The following CFAP46 variants were observed in gnomAD, a reference collection of about 807,000 sequenced individuals.
CFAP46 encodes the protein cilia and flagella associated protein 46.
CFAP46 carries 245 observed loss-of-function variants against 325.7 expected under a neutral mutation model. That is an observed-to-expected ratio of 0.75 (90% CI 0.68 to 0.84). CFAP46 has a LOEUF of 0.84. Among genes scored for constraint, CFAP46 ranks in the 40% least tolerant of loss-of-function variants. The pLI is 0.00. For missense variants in CFAP46, 3,346 were observed against 3,543.0 expected (o/e 0.94, Z 1.41); for synonymous variants, 1,523 against 1,495.9 (o/e 1.02, Z -0.42).
At chr10:132,925,015 A>G (rs1466335021) in intron 10 of CFAP46, 129 bp from the exon 11 acceptor site, 2 of 695,198 alleles carry the variant, frequency 2.9e-6, no homozygotes, top group Admixed American at 8.2e-5. Flanking sequence ...CGTCATGCTC[A>G]AATCTGTCCG....
intron 12 of CFAP46, 64 bp from the exon 13 acceptor site, chr10:132,922,288 T>G (rs1044949673): frequency 1.3e-6 from 2 of 1,514,412 alleles, no homozygotes; most frequent in South Asian, 1.3e-5. Flanking sequence ...TTCTCCAACT[T>G]CTGGAGCCTC....
chr10:132,900,368 G>A (rs1309812520), intron 22 of CFAP46, among the ~76,000 whole-genome samples: 18 of 152,268 alleles, frequency 1.2e-4, no homozygotes, highest in Non-Finnish European at 1.2e-4. Context: ...CAGGGCTGCC[G>A]TGGCTGGGGC....
chr10:132,822,606 T>C (rs1201784119), intron 50 of CFAP46, among the ~76,000 whole-genome samples: 4 of 137,884 alleles, frequency 2.9e-5, no homozygotes, highest in African/African-American at 8.5e-5. Context: ...TGCTGATGTG[T>C]GCTGTGTGTT....
At chr10:132,904,832 G>T (rs551507947) in intron 22 of CFAP46, among the ~76,000 whole-genome samples, 2 of 152,218 alleles carry the variant, frequency 1.3e-5, no homozygotes, top group African/African-American at 2.4e-5. Flanking sequence ...TACAATCACG[G>T]CTTGCTGCAG....
intron 39 of CFAP46, among the ~76,000 whole-genome samples, chr10:132,856,165 C>T (rs1369298093): frequency 9.2e-5 from 14 of 152,240 alleles, no homozygotes; most frequent in Non-Finnish European, 1.9e-4. Context: ...GGGCTCTCAG[C>T]TACACTGCTT....
In CFAP46 at chr10:132,861,492, T is replaced by G. The variant is rs542384477; in HGVS notation, c.4891-510A>C. On this transcript the variant is annotated intron_variant, in intron 35 of 57. Transcript: ENST00000368586. ...GGCCCTGTCTTTTAGGGGCTCCCGC[T>G]TGGGGCGAAAGGCTTCGGGACAGCC... Among the ~76,000 whole-genome samples, 175 of 152,278 alleles carry G rather than the reference T, an allele frequency of 1.1e-3. 1 individual carries two copies. The highest frequency in any genetic ancestry group is 4.0e-3 in the African/African-American group (166 of 41,572).
intron 22 of CFAP46, among the ~76,000 whole-genome samples, chr10:132,900,050 A>T (rs1409600603): frequency 6.6e-6 from 1 of 152,214 alleles, no homozygotes; most frequent in African/African-American, 2.4e-5. Flanking sequence ...TGACTCTCAC[A>T]GTAACCTTAT....
At chr10:132,938,094 C>T (rs866845188) in intron 5 of CFAP46, among the ~76,000 whole-genome samples, 7 of 152,184 alleles carry the variant, frequency 4.6e-5, no homozygotes, top group African/African-American at 9.7e-5. Flanking sequence ...GTTTCCTTTC[C>T]GCCGCCCGGC....
chr10:132,824,099 G>A (rs1199902882), intron 50 of CFAP46, among the ~76,000 whole-genome samples: 22 of 128,156 alleles, frequency 1.7e-4, no homozygotes, highest in Admixed American at 9.7e-4. Flanking sequence ...CTGTGTGTGC[G>A]GTGATGTGTG....
intron 35 of CFAP46, among the ~76,000 whole-genome samples, chr10:132,864,080 T>A (rs1188883594): frequency 1.6e-5 from 2 of 128,552 alleles, no homozygotes; most frequent in Non-Finnish European, 3.2e-5. Context: ...CACACACCTG[T>A]CCCCGGTGTC....
rs145394104 is a variant in CFAP46 at position 132,869,908 on chromosome 10, C to T, written c.4512-536G>A. 2.0e-5 allele frequency among the ~76,000 whole-genome samples: 3 copies of T among 152,298 alleles called. No individual in the cohort carries two copies. The highest frequency in any genetic ancestry group is 2.9e-5 in the Non-Finnish European group (2 of 68,026). On this transcript the variant is annotated intron_variant, in intron 32 of 57. Transcript: ENST00000368586. This position sits in a 1 kb window ranked among gnomAD's most constrained non-coding sequence, Gnocchi z 6.2. ...TCTCCCGGATCCTTCAGGGCACAGG[C>T]GCCTCCATTTATCAAACTGTGCTGT...
At chr10:132,937,120 T>C in intron 6 of CFAP46, 65 bp from the exon 7 acceptor site, 4 of 942,834 alleles carry the variant, frequency 4.2e-6, no homozygotes, top group Non-Finnish European at 5.9e-6. Flanking sequence ...TCAGATTTTG[T>C]GTCTAGATTT....
At position 132,899,514 on chromosome 10, in the gene CFAP46, C is replaced by T. The variant is rs1350203902; in HGVS notation, c.3056+21G>A. On this transcript the variant is annotated intron_variant, in intron 23 of 57. Coordinates refer to ENST00000368586, the MANE Select transcript of CFAP46 (RefSeq NM_001200049.3). ...GGCCGGGGAGGGACAGAGCCCACCC[C>T]AGCCCCTTAGAGCCACACACCTGGC... 6 of 1,536,442 alleles carry T rather than the reference C, an allele frequency of 3.9e-6. No homozygotes were observed. In the Admixed American group the frequency reaches 1.2e-4, roughly 31 times the overall value.
chr10:132,901,568 C>T (rs922860318), intron 22 of CFAP46, among the ~76,000 whole-genome samples: 5 of 152,196 alleles, frequency 3.3e-5, no homozygotes, highest in African/African-American at 7.2e-5. Flanking sequence ...CCTCTCAGCC[C>T]GCCCTGTGTG....
chr10:132,937,612 C>T lies in CFAP46; in HGVS notation c.600G>A (p.Thr200=), dbSNP rs780230538. ...RKEEAARFCS[T]AAPFIKSHVP... ...CGTGAGACTTAATGAACGGAGCTGCCGTGGAGCAGAACCTGGCAGCCTCCT... is the reference window on the plus strand; with the variant it reads ...CGTGAGACTTAATGAACGGAGCTGCTGTGGAGCAGAACCTGGCAGCCTCCT... The change falls in exon 6 of 58, where the codon ACG becomes ACA. Residue 200 remains threonine (T), a synonymous_variant. Transcript: ENST00000368586. The T allele has an allele frequency of 1.2e-5, 20 of 1,613,438 alleles. No individual in the cohort carries two copies. The highest frequency in any genetic ancestry group is 6.6e-5 in the South Asian group (6 of 91,060).
At chr10:132,834,167 C>G in intron 48 of CFAP46, 44 bp from the exon 49 acceptor site, 1 of 1,586,468 alleles carries the variant, frequency 6.3e-7, no homozygotes, top group Non-Finnish European at 8.6e-7. Flanking sequence ...ACAGAGATAA[C>G]AAACGCTTGG....
In CFAP46 at chr10:132,885,179, C is replaced by T. The variant is rs1383024320; in HGVS notation, c.3551G>A (p.Trp1184Ter). 1.3e-6 allele frequency: 2 copies of T among 1,550,402 alleles called. No individual in the cohort carries two copies. Among genetic ancestry groups the T allele is most frequent in the Non-Finnish European group, 1.7e-6 (2 of 1,146,992 alleles). ...CGGCGAGTTCAGGGCCAGGCGGTGC[C>T]ACATGCGCGCCAAGTAGTCCTCACT... ...AESEDYLARM[W>*]HRLALNSPSV... The change falls in exon 27 of 58, where the codon TGG becomes TAG. Residue 1184 changes from tryptophan to a stop codon, truncating the protein, a stop_gained. Coordinates refer to ENST00000368586, the MANE Select transcript of CFAP46 (RefSeq NM_001200049.3). LOFTEE classifies it high-confidence loss of function.
At chr10:132,942,211 A>G (rs1436100676) in intron 1 of CFAP46, 107 bp from the exon 2 acceptor site, 4 of 1,430,028 alleles carry the variant, frequency 2.8e-6, no homozygotes, top group African/African-American at 2.9e-5. Context: ...CCCCCGGGCC[A>G]CAGCCACCGT....
intron 4 of CFAP46, among the ~76,000 whole-genome samples, chr10:132,940,755 TTCACAGCCATCTAAAA>T (rs1370828917): frequency 1.3e-5 from 2 of 152,118 alleles, no homozygotes; most frequent in African/African-American, 4.8e-5. Context: ...AAACAGACTC[TTCACAGCCATCTAAAA>T]TCACGAAAAC....
Sources: gnomAD v4.1 joint callset for allele counts (sites outside exome capture counted in the v4.1 genomes callset) on GRCh38, gnomAD v4.1.1 for gene constraint, Gnocchi (gnomAD v3.1) non-coding constraint, MANE v1.5 for transcripts, NCBI Gene and HGNC (gene_info 2026-07-23, HGNC 2026-07-21) for gene names.